PSMD2: variants seen among roughly 807,000 people sequenced by gnomAD.
The protein encoded by PSMD2 is proteasome 26S subunit ubiquitin receptor, non-ATPase 2.
PSMD2 carries 8 observed loss-of-function variants against 101.5 expected under a neutral mutation model. That is an observed-to-expected ratio of 0.08 (90% CI 0.05 to 0.14). The LOEUF (loss-of-function observed/expected upper bound fraction) is 0.14, where lower values mean the gene tolerates loss of function less well. PSMD2 is among the 10% of genes least tolerant of loss of function. The pLI is 1.00. For synonymous variants in PSMD2, 418 were observed against 433.8 expected, an observed-to-expected ratio of 0.96 and a Z score of 0.45; for missense variants, 784 against 1,147.4, an observed-to-expected ratio of 0.68 and a Z score of 4.58.
chr3:184,303,593 A>G, intron 9 of PSMD2, 50 bp from the exon 10 acceptor site: 1 of 1,611,604 alleles, frequency 6.2e-7, no homozygotes, highest in Non-Finnish European at 8.5e-7. Context: ...TAATAACAGG[A>G]TCCTCAGGAT....
intron 14 of PSMD2, 29 bp downstream of exon 14, chr3:184,306,184 C>T (rs1721825393): frequency 6.2e-7 from 1 of 1,610,934 alleles, no homozygotes. Flanking sequence ...CTGTCTTGTG[C>T]TTCCCCAGTG....
At chr3:184,300,696 C>T (rs1303262863) in intron 3 of PSMD2, 4 of 1,213,704 alleles carry the variant, frequency 3.3e-6, no homozygotes, top group Non-Finnish European at 4.1e-6. Context: ...GTATGTTTAA[C>T]CTTGATTTTT....
intron 3 of PSMD2, 185 bp downstream of exon 3, chr3:184,300,629 CTG>C (rs1198634169): frequency 1.0e-5 from 14 of 1,403,164 alleles, no homozygotes; most frequent in Middle Eastern, 2.6e-4. Flanking sequence ...TCAGAAGACA[CTG>C]TTTCTGTCAT....
At position 184,299,669 on chromosome 3, in the gene PSMD2, A is replaced by C. The variant is rs774910236; in HGVS notation, c.136-182A>C. Reference sequence around the variant, plus strand: ...CCTCCGTTTCCTAGAGTGGCATTCAAGTAGAGCCTGATTCAGAACCCAGGC... The same window carrying C: ...CCTCCGTTTCCTAGAGTGGCATTCACGTAGAGCCTGATTCAGAACCCAGGC... On this transcript the variant is annotated intron_variant, in intron 1 of 20. Coordinates refer to ENST00000310118, the MANE Select transcript of PSMD2 (RefSeq NM_002808.5). 4.9e-4 allele frequency: 318 copies of C among 646,396 alleles called. 1 individual carries two copies. Among genetic ancestry groups the C allele is most frequent in the Non-Finnish European group, 6.7e-4 (255 of 378,664 alleles). 40.0% of individuals were successfully genotyped at this position (646,396 alleles called of 1,614,324 possible). A position where few individuals can be genotyped will look rare whatever the true frequency, so the allele number is the denominator to read the frequency against.
rs185333560 is a variant in PSMD2 at position 184,300,453 on chromosome 3, G to A, written c.357+9G>A. On this transcript the variant is annotated intron_variant, in intron 3 of 20. Transcript: ENST00000310118. ...CCCCTGGGGAGAATAAGGTAAAACT[G>A]TTTCAAACCTGGTGGAGGCCTAGTT... The A allele has an allele frequency of 1.9e-4, 300 of 1,610,492 alleles. No individual in the cohort carries two copies. Among genetic ancestry groups the A allele is most frequent in the Non-Finnish European group, 4.8e-5 (57 of 1,178,380 alleles).
chr3:184,302,739 T>G lies in PSMD2; in HGVS notation c.924T>G (p.Ser308Arg). 6.2e-7 allele frequency: 1 copy of G among 1,614,052 alleles called. No individual in the cohort carries two copies. Among genetic ancestry groups the G allele is most frequent in the South Asian group, 1.1e-5 (1 of 91,076 alleles). ...LGRHGVFLELSEDVEEYEDLT... is the reference protein window; with the variant it reads ...LGRHGVFLELREDVEEYEDLT... ...GGCATGGGGTGTTCCTGGAGCTGAG[T>G]GAAGATGTCGAGGAGTATGAGGACC... Residue 308 changes from serine to arginine, a missense_variant, in exon 7 of 21, where the codon AGT becomes AGG. This residue lies in a region of PSMD2 where 208 missense variants were observed against 301.6 expected (regional missense o/e 0.69). Coordinates refer to ENST00000310118, the MANE Select transcript of PSMD2 (RefSeq NM_002808.5).
Position 184,302,155 on chromosome 3 carries a change from G to A in PSMD2, c.704+84G>A, listed in dbSNP as rs142838939. 1.2e-4 allele frequency: 178 copies of A among 1,438,262 alleles called. No homozygotes were observed. The African/African-American group carries it at 2.2e-3, about 18-fold the overall frequency. 89.1% of individuals were successfully genotyped at this position (1,438,262 alleles called of 1,614,324 possible). ...ATTGCGCCTCCTCTATTTTCCCAGA[G>A]CATTTGCTCAAGCATAGCATCACGC... On this transcript the variant is annotated intron_variant, in intron 5 of 20. Transcript: ENST00000310118.
chr3:184,307,002 T>G (rs926811123), intron 16 of PSMD2, among the ~76,000 whole-genome samples, 168 bp downstream of exon 16: 7 of 152,176 alleles, frequency 4.6e-5, no homozygotes, highest in Non-Finnish European at 1.0e-4. Context: ...TAGAGTGCAA[T>G]GGCACGGTCT....
At chr3:184,305,978 C>T (rs573487808) in intron 13 of PSMD2, 48 bp downstream of exon 13, 1 of 1,613,364 alleles carries the variant, frequency 6.2e-7, no homozygotes, top group East Asian at 2.2e-5. Flanking sequence ...TAACTGGATA[C>T]AACAGGGAGG....
chr3:184,308,348 G>A lies in PSMD2; in HGVS notation c.2426-101G>A. The A allele has an allele frequency of 1.0e-6, 1 of 980,276 alleles. No individual in the cohort carries two copies. 60.7% of individuals were successfully genotyped at this position (980,276 alleles called of 1,614,324 possible). Reference sequence around the variant, plus strand: ...GGGAGGAGTGTGGATTCAGTCGTATGACTGACGGGTTAAAGGGTCAGCGCT... The same window carrying A: ...GGGAGGAGTGTGGATTCAGTCGTATAACTGACGGGTTAAAGGGTCAGCGCT... On this transcript the variant is annotated intron_variant, in intron 19 of 20. Coordinates refer to ENST00000310118, the MANE Select transcript of PSMD2 (RefSeq NM_002808.5). The surrounding 1 kb of genome is among the most constrained non-coding windows in gnomAD (Gnocchi z 6.0).
intron 1 of PSMD2, 35 bp downstream of exon 1, chr3:184,299,436 T>C (rs1233686825): frequency 3.0e-6 from 4 of 1,322,740 alleles, no homozygotes; most frequent in African/African-American, 3.1e-5. Context: ...CGAAGGAGGC[T>C]GCGGGGCTGA....
Position 184,304,251 on chromosome 3 carries a change from C to T in PSMD2, c.1452-53C>T. 2 of 1,582,158 alleles carry T rather than the reference C, an allele frequency of 1.3e-6. No homozygotes were observed. Among genetic ancestry groups the T allele is most frequent in the Non-Finnish European group, 8.7e-7 (1 of 1,151,024 alleles). ...TGACCGATTCTCCTTTTGTTCTTTT[C>T]TTGCTGCATCGTTGGGTATGTGTTG... On this transcript the variant is annotated intron_variant, in intron 11 of 20. Transcript: ENST00000310118. This position sits in a 1 kb window ranked among gnomAD's most constrained non-coding sequence, Gnocchi z 4.1.
At chr3:184,302,104 A>C (rs1268393600) in intron 5 of PSMD2, 33 bp downstream of exon 5, 1 of 1,595,150 alleles carries the variant, frequency 6.3e-7, no homozygotes, top group East Asian at 2.2e-5. Context: ...GGTGGCAGGC[A>C]TGCCCTCCTC....
At chr3:184,307,577 C>G in intron 17 of PSMD2, 37 bp from the exon 18 acceptor site, 1 of 1,613,884 alleles carries the variant, frequency 6.2e-7, no homozygotes, top group Non-Finnish European at 8.5e-7. Context: ...AGATTTGAAG[C>G]CCCTTTTTTC....
In PSMD2 at chr3:184,308,663, T is replaced by C. The variant is rs764578008; in HGVS notation, c.2545-45T>C. 12 of 1,595,768 alleles carry C rather than the reference T, an allele frequency of 7.5e-6. No homozygotes were observed. ...GCTGAAACTGGCGTGGGCGGTGGCT[T>C]GTCGCTACTTTTCCATCTCTCTTTT... On this transcript the variant is annotated intron_variant, in intron 20 of 20. Coordinates refer to ENST00000310118, the MANE Select transcript of PSMD2 (RefSeq NM_002808.5). The surrounding 1 kb of genome is among the most constrained non-coding windows in gnomAD (Gnocchi z 6.0).
chr3:184,305,739 CTG>C lies in PSMD2; in HGVS notation c.1540-25_1540-24del, dbSNP rs561212853. 1.8e-5 allele frequency: 28 copies of C among 1,593,960 alleles called. No homozygotes were observed. The African/African-American group carries it at 3.2e-4, about 18-fold the overall frequency. ...GACATAAATATTTTAATAACTTACT[CTG>C]TGTAATACTGATTTTCCTACCTCTA... On this transcript the variant is annotated intron_variant, in intron 12 of 20. Coordinates refer to ENST00000310118, the MANE Select transcript of PSMD2 (RefSeq NM_002808.5).
rs1560193344 is a variant in PSMD2 at position 184,300,403 on chromosome 3, C to G, written c.316C>G (p.Leu106Val). 1 of 1,614,126 alleles carries G rather than the reference C, an allele frequency of 6.2e-7. No individual in the cohort carries two copies. Among genetic ancestry groups the G allele is most frequent in the Non-Finnish European group, 8.5e-7 (1 of 1,179,978 alleles). ...LKFLRPHYGK[L>V]KEIYENMAPG... ...ATTTCTGCGTCCACACTATGGCAAA[C>G]TGAAGGAAATCTATGAGAACATGGC... Residue 106 changes from leucine (L) to valine (V), a missense_variant, in exon 3 of 21, where the codon CTG becomes GTG. Physicochemically the swap from Leu to Val is conservative, Grantham distance 32. Around this residue, in one of 6 missense-constraint regions of PSMD2, gnomAD observed 196 missense variants for 182.4 expected, o/e 1.07. Coordinates refer to ENST00000310118, the MANE Select transcript of PSMD2 (RefSeq NM_002808.5).
Position 184,308,080 on chromosome 3 carries a change from C to G in PSMD2, c.2425+64C>G. 1 of 1,590,184 alleles carries G rather than the reference C, an allele frequency of 6.3e-7. No homozygotes were observed. On this transcript the variant is annotated intron_variant, in intron 19 of 20. Transcript: ENST00000310118. This position sits in a 1 kb window ranked among gnomAD's most constrained non-coding sequence, Gnocchi z 6.0. ...GGCTCTGACTCCACCCTTTCCAGGGCCACTTTGATAATTTAGGTTCAAGAC... is the reference window on the plus strand; with the variant it reads ...GGCTCTGACTCCACCCTTTCCAGGGGCACTTTGATAATTTAGGTTCAAGAC...
intron 3 of PSMD2, chr3:184,300,730 A>C (rs1450372719): frequency 3.1e-6 from 3 of 957,230 alleles, no homozygotes; most frequent in Non-Finnish European, 3.9e-6. Context: ...TCCCATATAC[A>C]TTCATTTATC....
Sources: gnomAD v4.1 joint callset for allele counts (sites outside exome capture counted in the v4.1 genomes callset) on GRCh38, gnomAD v4.1.1 for gene constraint, gnomAD v4.1.1 regional missense constraint, Gnocchi (gnomAD v3.1) non-coding constraint, MANE v1.5 for transcripts, NCBI Gene and HGNC (gene_info 2026-07-23, HGNC 2026-07-21) for gene names.